The following PGM2L1 variants were observed in gnomAD, a reference collection of about 807,000 sequenced individuals.
PGM2L1 encodes the protein phosphoglucomutase 2 like 1.
PGM2L1 carries 35 observed loss-of-function variants against 73.4 expected under a neutral mutation model. The ratio of observed to expected loss-of-function variants is 0.48; its 90% CI spans 0.36 to 0.63. The LOEUF is 0.63. Among genes scored for constraint, PGM2L1 ranks in the 30% least tolerant of loss-of-function variants. The pLI, the probability that PGM2L1 is intolerant of heterozygous loss-of-function variation, is 0.00. For synonymous variants in PGM2L1, 225 were observed against 253.8 expected (o/e 0.89, Z 1.08); for missense variants, 570 against 742.0 (o/e 0.77, Z 2.69).
chr11:74,379,586 T>C (rs954414652), intron 1 of PGM2L1, among the ~76,000 whole-genome samples: 1 of 152,190 alleles, frequency 6.6e-6, no homozygotes, highest in African/African-American at 2.4e-5. Context: ...TCGTATTGTT[T>C]AGAAGATTGG....
rs182748704 is a variant in PGM2L1, at chr11:74,336,453, C to T, written c.*199G>A. On this transcript the variant is annotated 3_prime_UTR_variant, in exon 14 of 14. Coordinates refer to ENST00000298198, the MANE Select transcript of PGM2L1 (RefSeq NM_173582.6). ...GTTTGAATTATGAAAAAATTTGAAT[C>T]ATTTCCCTCTAGACCATTTCATTTC... 95 of 357,650 alleles carry T rather than the reference C, an allele frequency of 2.7e-4. No homozygotes were observed. Among genetic ancestry groups the T allele is most frequent in the African/African-American group, 1.5e-3 (70 of 47,662 alleles). The allele number at this position is 357,650 out of a possible 1,614,324, so 22.2% of individuals were successfully genotyped here.
chr11:74,348,564 A>T (rs935480485), intron 6 of PGM2L1, among the ~76,000 whole-genome samples: 1 of 152,170 alleles, frequency 6.6e-6, no homozygotes, highest in East Asian at 1.9e-4. Flanking sequence ...CTAATACCGT[A>T]TCTGTGTTCA....
chr11:74,348,829 G>GT (rs1020985988), intron 6 of PGM2L1, among the ~76,000 whole-genome samples: 16 of 152,054 alleles, frequency 1.1e-4, no homozygotes, highest in African/African-American at 3.9e-4. Context: ...TATTTTTTCT[G>GT]TAAATAGGCA....
chr11:74,354,312 A>G, intron 5 of PGM2L1: 1 of 511,178 alleles, frequency 2.0e-6, no homozygotes, highest in Non-Finnish European at 3.4e-6. Flanking sequence ...ATGCAACAAA[A>G]TATGTCCAGG....
At chr11:74,394,133 TGTG>T (rs1192517450) in intron 1 of PGM2L1, among the ~76,000 whole-genome samples, 1 of 152,182 alleles carries the variant, frequency 6.6e-6, no homozygotes, top group African/African-American at 2.4e-5. Flanking sequence ...ATTGTGGAGA[TGTG>T]TGCATTTACT....
intron 5 of PGM2L1, among the ~76,000 whole-genome samples, chr11:74,365,028 T>G (rs1862633278): frequency 6.6e-6 from 1 of 151,638 alleles, no homozygotes; most frequent in African/African-American, 2.4e-5. Context: ...TATAGACCAA[T>G]GGAACAGAAC....
chr11:74,361,561 G>A (rs1334238207), intron 5 of PGM2L1, among the ~76,000 whole-genome samples: 2 of 152,316 alleles, frequency 1.3e-5, no homozygotes, highest in East Asian at 1.9e-4. Context: ...TGACTTTGAC[G>A]AGTTGAGAGA....
chr11:74,356,630 G>GA (rs1378163579), intron 5 of PGM2L1, among the ~76,000 whole-genome samples: 1 of 152,076 alleles, frequency 6.6e-6, no homozygotes, highest in Non-Finnish European at 1.5e-5. Context: ...ATCATGCATG[G>GA]AAAAATATCA....
At chr11:74,393,137 C>A (rs916815243) in intron 1 of PGM2L1, among the ~76,000 whole-genome samples, 1 of 152,098 alleles carries the variant, frequency 6.6e-6, no homozygotes, top group Non-Finnish European at 1.5e-5. Context: ...AGTTGAAACA[C>A]TACAAAAATA....
intron 1 of PGM2L1, among the ~76,000 whole-genome samples, chr11:74,395,548 G>C (rs145330100): frequency 1.5e-5 from 1 of 66,196 alleles, no homozygotes; most frequent in Admixed American, 1.7e-4. Flanking sequence ...ACCTCGCCTG[G>C]CTTTTTTTTT....
intron 4 of PGM2L1, among the ~76,000 whole-genome samples, chr11:74,369,014 CCA>C (rs1289027830): frequency 4.6e-5 from 7 of 152,084 alleles, no homozygotes; most frequent in African/African-American, 1.7e-4. Flanking sequence ...TAAAATAGCT[CCA>C]GTCTCCCAAC....
chr11:74,351,020 C>G (rs1261781900), intron 6 of PGM2L1, among the ~76,000 whole-genome samples: 1 of 152,232 alleles, frequency 6.6e-6, no homozygotes, highest in Non-Finnish European at 1.5e-5. Context: ...TAATCTATTT[C>G]TGTCTCTATA....
intron 13 of PGM2L1, among the ~76,000 whole-genome samples, chr11:74,336,970 G>C (rs538298443): frequency 6.6e-6 from 1 of 152,144 alleles, no homozygotes; most frequent in South Asian, 2.1e-4. Flanking sequence ...GCATTAATAG[G>C]AGTTCCTTGG....
At chr11:74,397,964 G>A (rs1863204822) in intron 1 of PGM2L1, 87 bp downstream of exon 1, 2 of 1,434,676 alleles carry the variant, frequency 1.4e-6, no homozygotes, top group South Asian at 3.0e-5. Flanking sequence ...CATCTCCTCT[G>A]CAGCCCGCGG....
At chr11:74,397,907 T>TG in intron 1 of PGM2L1, 144 bp downstream of exon 1, 1 of 1,337,496 alleles carries the variant, frequency 7.5e-7, no homozygotes, top group Admixed American at 3.2e-5. Flanking sequence ...CACGCATAGG[T>TG]GGGTGGCAAC....
chr11:74,383,824 A>AATAAAT (rs61026077), intron 1 of PGM2L1, among the ~76,000 whole-genome samples: 6 of 121,828 alleles, frequency 4.9e-5, no homozygotes, highest in African/African-American at 1.7e-4. Context: ...TATATAAATA[A>AATAAAT]ATATATATAT....
At chr11:74,372,068 C>T (rs1488350850) in intron 2 of PGM2L1, among the ~76,000 whole-genome samples, 1 of 150,062 alleles carries the variant, frequency 6.7e-6, no homozygotes, top group Non-Finnish European at 1.5e-5. Flanking sequence ...TACTAAACCA[C>T]TAAATCCAAT....
At chr11:74,397,956 T>C in intron 1 of PGM2L1, 95 bp downstream of exon 1, 1 of 1,403,086 alleles carries the variant, frequency 7.1e-7, no homozygotes, top group African/African-American at 1.5e-5. Flanking sequence ...TCCCGAGCCA[T>C]CTCCTCTGCA....
In PGM2L1 at chr11:74,377,138, C is replaced by CTT. The variant is rs34347042; in HGVS notation, c.112-2558_112-2557dup. Among the ~76,000 whole-genome samples, 35 of 142,604 alleles carry CTT rather than the reference C, an allele frequency of 2.5e-4. 1 individual carries two copies. Among genetic ancestry groups the CTT allele is most frequent in the South Asian group, 4.4e-4 (2 of 4,514 alleles). 93.6% of individuals were successfully genotyped at this position (142,604 alleles called of 152,430 possible). Reference sequence around the variant, plus strand: ...AAACTAATTATCATTATTATTATTTCTTTTTTTTTTTTTTGAGACGGAGTC... The same window carrying CTT: ...AAACTAATTATCATTATTATTATTTCTTTTTTTTTTTTTTTTGAGACGGAGTC... On this transcript the variant is annotated intron_variant, in intron 1 of 13. Transcript: ENST00000298198.
Sources: gnomAD v4.1 joint callset for allele counts (sites outside exome capture counted in the v4.1 genomes callset) on GRCh38, gnomAD v4.1.1 for gene constraint, MANE v1.5 for transcripts, NCBI Gene and HGNC (gene_info 2026-07-23, HGNC 2026-07-21) for gene names.